Variants in BACH2 observed in about 807,000 individuals in gnomAD.
BACH2 encodes the protein BACH transcriptional regulator 2, also known as transcription regulator protein BACH2.
In BACH2, 5 loss-of-function variants were observed where a neutral mutation model predicts 61.8. That is an observed-to-expected ratio of 0.08 (90% CI 0.04 to 0.17). The LOEUF (loss-of-function observed/expected upper bound fraction) is 0.17, where lower values mean the gene tolerates loss of function less well. BACH2 is among the 10% of genes least tolerant of loss of function. BACH2 has a pLI of 1.00. For missense variants in BACH2, 824 were observed against 1,091.1 expected, an observed-to-expected ratio of 0.76 and a Z score of 3.45; for synonymous variants, 446 against 440.1, an observed-to-expected ratio of 1.01 and a Z score of -0.17.
chr6:89,942,457 A>G (rs1166116484), intron 7 of BACH2, among the ~76,000 whole-genome samples: 2 of 152,192 alleles, frequency 1.3e-5, no homozygotes, highest in Non-Finnish European at 2.9e-5. Context: ...ATTCTGAGCC[A>G]AACAGGCCCA....
chr6:90,244,197 C>A (rs1291463211), intron 3 of BACH2, among the ~76,000 whole-genome samples: 1 of 152,200 alleles, frequency 6.6e-6, no homozygotes, highest in Non-Finnish European at 1.5e-5. Context: ...GCTGGGATTA[C>A]AGGCATGAGC....
intron 6 of BACH2, among the ~76,000 whole-genome samples, chr6:89,960,761 G>A (rs1234379382): frequency 6.6e-6 from 1 of 152,198 alleles, no homozygotes; most frequent in African/African-American, 2.4e-5. Context: ...CTTCTGGCGG[G>A]GTGCCACATG....
At chr6:90,212,998 C>T (rs1769408935) in intron 3 of BACH2, among the ~76,000 whole-genome samples, 1 of 152,162 alleles carries the variant, frequency 6.6e-6, no homozygotes, top group South Asian at 2.1e-4. Flanking sequence ...AAATGTAAAT[C>T]GCAGTCTCCA....
chr6:90,232,714 G>C (rs976344963), intron 3 of BACH2, among the ~76,000 whole-genome samples: 6 of 150,890 alleles, frequency 4.0e-5, no homozygotes, highest in African/African-American at 1.5e-4. Context: ...TTTTCTGCTA[G>C]AATTTTAAGA....
chr6:90,077,794 A>G (rs897770560), intron 5 of BACH2, among the ~76,000 whole-genome samples: 1 of 152,212 alleles, frequency 6.6e-6, no homozygotes, highest in African/African-American at 2.4e-5. Context: ...AGATACAGTC[A>G]TAACTTCTCT....
At chr6:90,075,433 T>C (rs1187291010) in intron 5 of BACH2, among the ~76,000 whole-genome samples, 3 of 152,280 alleles carry the variant, frequency 2.0e-5, no homozygotes, top group South Asian at 2.1e-4. Context: ...CGGCATAAAA[T>C]AGATGTATCT....
chr6:90,143,587 TC>T (rs1441345039), intron 4 of BACH2, among the ~76,000 whole-genome samples: 1 of 152,058 alleles, frequency 6.6e-6, no homozygotes, highest in Non-Finnish European at 1.5e-5. Context: ...CTTCAACACT[TC>T]CTTCTGAGGT....
chr6:90,088,468 T>C (rs1782023575), intron 5 of BACH2, among the ~76,000 whole-genome samples: 1 of 152,164 alleles, frequency 6.6e-6, no homozygotes, highest in Admixed American at 6.5e-5. Flanking sequence ...AGGTGCTAAG[T>C]GAACCTTAAA....
intron 3 of BACH2, among the ~76,000 whole-genome samples, chr6:90,233,796 T>C (rs1770175331): frequency 6.6e-6 from 1 of 152,166 alleles, no homozygotes; most frequent in Admixed American, 6.5e-5. Flanking sequence ...TGTGACAATT[T>C]TCCCAGGATC....
At chr6:89,999,047 G>T (rs1365918235) in intron 6 of BACH2, among the ~76,000 whole-genome samples, 2 of 152,180 alleles carry the variant, frequency 1.3e-5, no homozygotes, top group African/African-American at 4.8e-5. Flanking sequence ...CTGACTCTTG[G>T]ATTCTAACTC....
intron 1 of BACH2, among the ~76,000 whole-genome samples, chr6:90,273,978 C>T (rs1392230988): frequency 6.6e-6 from 1 of 152,174 alleles, no homozygotes; most frequent in African/African-American, 2.4e-5. Context: ...AACATTAGTT[C>T]CCTTCCAGTG....
intron 3 of BACH2, among the ~76,000 whole-genome samples, chr6:90,234,435 A>G (rs919551944): frequency 5.3e-5 from 8 of 152,190 alleles, no homozygotes; most frequent in African/African-American, 1.9e-4. Context: ...CAAGAACCAG[A>G]ATTTCCATGA....
chr6:89,974,544 T>C lies in BACH2; in HGVS notation c.244-22682A>G, dbSNP rs1244931858. On this transcript the variant is annotated intron_variant, in intron 6 of 8. Coordinates refer to ENST00000257749, the MANE Select transcript of BACH2 (RefSeq NM_021813.4). ...TCACGGGAGAAAAAACGCCCTGATG[T>C]CCTCACACGTTCCATGCATCATGCT... Among the ~76,000 whole-genome samples the C allele has an allele frequency of 2.0e-5, 3 of 152,248 alleles. No individual in the cohort carries two copies. The East Asian group carries it at 5.8e-4, about 29-fold the overall frequency.
chr6:90,281,602 T>A (rs1771860526), intron 1 of BACH2, among the ~76,000 whole-genome samples: 1 of 152,164 alleles, frequency 6.6e-6, no homozygotes, highest in African/African-American at 2.4e-5. Context: ...CATCTATGTA[T>A]GTATCCCTAA....
chr6:90,069,198 G>A (rs1410054158), intron 5 of BACH2, among the ~76,000 whole-genome samples: 2 of 152,170 alleles, frequency 1.3e-5, no homozygotes, highest in Non-Finnish European at 2.9e-5. Context: ...CCCACAGTCC[G>A]CTGCTGGGTC....
intron 8 of BACH2, 125 bp downstream of exon 8, chr6:89,938,018 TA>T: frequency 3.4e-6 from 3 of 876,274 alleles, no homozygotes; most frequent in Non-Finnish European, 5.3e-6. Flanking sequence ...AGAAACTTCT[TA>T]AAAAATAAAC....
At chr6:90,076,890 A>T (rs75772447) in intron 5 of BACH2, among the ~76,000 whole-genome samples, 2,729 of 152,266 alleles carry the variant, frequency 0.018, 86 homozygotes, top group African/African-American at 0.063. Context: ...TCACACTCCA[A>T]ATGTCAATCT....
At chr6:90,134,991 CCCTGAGATTTATACT>C (rs1359092448) in intron 4 of BACH2, among the ~76,000 whole-genome samples, 34 of 152,150 alleles carry the variant, frequency 2.2e-4, no homozygotes, top group Admixed American at 2.2e-3. Context: ...TTAGCAGTGG[CCCTGAGATTTATACT>C]CCTGGAATAA....
chr6:90,202,099 A>T (rs187304849), intron 4 of BACH2, among the ~76,000 whole-genome samples: 46 of 152,338 alleles, frequency 3.0e-4, no homozygotes, highest in African/African-American at 8.7e-4. Context: ...TTAGATAGAA[A>T]ATACCTTTGC....
Sources: allele counts gnomAD v4.1 joint callset (sites outside exome capture counted in the v4.1 genomes callset), GRCh38; gene constraint gnomAD v4.1.1; transcripts MANE v1.5; gene names NCBI Gene and HGNC (gene_info 2026-07-23, HGNC 2026-07-21).